The following FGGY variants were observed in gnomAD, a reference collection of about 807,000 sequenced individuals.
FGGY encodes the protein FGGY carbohydrate kinase domain containing, also known as FGGY carbohydrate kinase domain-containing protein.
A neutral mutation model predicts 71.3 loss-of-function variants in FGGY; 72 were observed. That is an observed-to-expected ratio of 1.01 (90% CI 0.84 to 1.23). The LOEUF (loss-of-function observed/expected upper bound fraction) is 1.23, where lower values mean the gene tolerates loss of function less well. Ranked by LOEUF, FGGY falls within the 50% of genes most tolerant of loss-of-function variation. The pLI is 0.00. For missense variants in FGGY, 668 were observed against 682.3 expected (o/e 0.98, Z 0.23); for synonymous variants, 251 against 250.3 (o/e 1.00, Z -0.02).
intron 11 of FGGY, among the ~76,000 whole-genome samples, chr1:59,647,237 C>T (rs564289190): frequency 3.9e-5 from 6 of 152,070 alleles, no homozygotes; most frequent in Non-Finnish European, 5.9e-5. Context: ...CAAGTATGGG[C>T]CAGAAGAGTT....
chr1:59,672,452 C>T (rs1488054269), intron 13 of FGGY, among the ~76,000 whole-genome samples: 7 of 152,218 alleles, frequency 4.6e-5, no homozygotes, highest in Admixed American at 6.5e-5. Flanking sequence ...TCCCCATTTG[C>T]ATTTGGGAAC....
chr1:59,719,473 T>A (rs984987247), intron 14 of FGGY, among the ~76,000 whole-genome samples: 1 of 152,148 alleles, frequency 6.6e-6, no homozygotes, highest in Non-Finnish European at 1.5e-5. Context: ...GAGAATTCTG[T>A]GAAATGATAT....
intron 5 of FGGY, among the ~76,000 whole-genome samples, chr1:59,395,846 G>T (rs2061262878): frequency 1.3e-5 from 2 of 152,100 alleles, no homozygotes; most frequent in African/African-American, 4.8e-5. Flanking sequence ...CCAGAATTCA[G>T]GCTGTTTGCC....
In FGGY at chr1:59,367,668, T is replaced by C. The variant is rs2056812013; in HGVS notation, c.466-11081T>C. ...TGGTGTCACTGCAGTAGCTGCCTCA[T>C]TTCCCTCACGAGTTCCCTAGGTGTC... On this transcript the variant is annotated intron_variant, in intron 4 of 15. Transcript: ENST00000303721. 2.0e-5 allele frequency among the ~76,000 whole-genome samples: 3 copies of C among 152,230 alleles called. No homozygotes were observed. In the South Asian group the frequency reaches 6.2e-4, roughly 32 times the overall value.
intron 6 of FGGY, among the ~76,000 whole-genome samples, chr1:59,467,098 A>C (rs1417539701): frequency 6.6e-6 from 1 of 152,214 alleles, no homozygotes; most frequent in Non-Finnish European, 1.5e-5. Context: ...CTTGGAACCA[A>C]GTCGAATTTC....
intron 5 of FGGY, among the ~76,000 whole-genome samples, chr1:59,425,636 T>A (rs1282933231): frequency 6.6e-6 from 1 of 152,244 alleles, no homozygotes; most frequent in Admixed American, 6.5e-5. Context: ...AAGCTCTCAT[T>A]CATGGTCATG....
At chr1:59,442,130 G>T (rs2070070858) in intron 5 of FGGY, among the ~76,000 whole-genome samples, 1 of 152,150 alleles carries the variant, frequency 6.6e-6, no homozygotes, top group South Asian at 2.1e-4. Context: ...GTTGTGAAAG[G>T]TATGGACTCT....
At chr1:59,757,900 T>C (rs766874505) in intron 14 of FGGY, 31 bp from the exon 15 acceptor site, 1 of 1,574,286 alleles carries the variant, frequency 6.4e-7, no homozygotes, top group Non-Finnish European at 8.7e-7. Flanking sequence ...GCTTTCCAAC[T>C]CAGCTGTCTA....
intron 8 of FGGY, among the ~76,000 whole-genome samples, chr1:59,603,846 A>G (rs1413566346): frequency 6.6e-6 from 1 of 152,210 alleles, no homozygotes; most frequent in African/African-American, 2.4e-5. Flanking sequence ...GCTCTTCAAA[A>G]CAGATGAAAG....
At chr1:59,612,359 A>G (rs1282928179) in intron 9 of FGGY, among the ~76,000 whole-genome samples, 1 of 152,258 alleles carries the variant, frequency 6.6e-6, no homozygotes, top group Non-Finnish European at 1.5e-5. Flanking sequence ...CTTAAAGAAA[A>G]GAATTTTCAA....
At chr1:59,648,181 C>A (rs1436991796) in intron 11 of FGGY, among the ~76,000 whole-genome samples, 1 of 114,708 alleles carries the variant, frequency 8.7e-6, no homozygotes, top group Non-Finnish European at 1.7e-5. Flanking sequence ...CAAGTCTTTG[C>A]TATTGTGAAT....
At position 59,634,021 on chromosome 1, in the gene FGGY, C is replaced by T. The variant is rs117963322; in HGVS notation, c.1074-4207C>T. 1.5e-4 allele frequency among the ~76,000 whole-genome samples: 23 copies of T among 152,208 alleles called. No homozygotes were observed. The East Asian group carries it at 3.9e-3, about 26-fold the overall frequency. ...ATGTAAAATGCCCAAAATGATTCATCGGCATTAACAACAAAGAGGGTATTG... is the reference window on the plus strand; with the variant it reads ...ATGTAAAATGCCCAAAATGATTCATTGGCATTAACAACAAAGAGGGTATTG... On this transcript the variant is annotated intron_variant, in intron 10 of 15. Coordinates refer to ENST00000303721, the MANE Select transcript of FGGY (RefSeq NM_018291.5).
chr1:59,593,383 A>C (rs2153796446), intron 8 of FGGY, among the ~76,000 whole-genome samples: 1 of 152,348 alleles, frequency 6.6e-6, no homozygotes, highest in Non-Finnish European at 1.5e-5. Flanking sequence ...GATCTGACAC[A>C]TACCTGCCCT....
intron 7 of FGGY, among the ~76,000 whole-genome samples, chr1:59,536,946 A>G (rs1228059270): frequency 6.6e-6 from 1 of 152,104 alleles, no homozygotes. Flanking sequence ...CAAGACAGGG[A>G]TGCCCTCTCT....
intron 4 of FGGY, among the ~76,000 whole-genome samples, chr1:59,366,040 T>C (rs2056527147): frequency 1.3e-5 from 2 of 152,168 alleles, no homozygotes; most frequent in Non-Finnish European, 2.9e-5. Flanking sequence ...ATACGTACAG[T>C]GGTGTCACAC....
chr1:59,658,201 G>T (rs981114247), intron 11 of FGGY, among the ~76,000 whole-genome samples: 1 of 152,066 alleles, frequency 6.6e-6, no homozygotes, highest in African/African-American at 2.4e-5. Flanking sequence ...CATTCTCTGT[G>T]TTCCCTTAGG....
intron 5 of FGGY, among the ~76,000 whole-genome samples, chr1:59,422,988 G>A (rs976589056): frequency 5.9e-5 from 9 of 152,254 alleles, no homozygotes; most frequent in African/African-American, 2.2e-4. Flanking sequence ...GTAAACACGT[G>A]GCAGCAGGGG....
upstream of FGGY, among the ~76,000 whole-genome samples, chr1:59,296,418 C>T (rs1294566317): frequency 6.6e-6 from 1 of 152,222 alleles, no homozygotes; most frequent in Non-Finnish European, 1.5e-5. Flanking sequence ...ACACACACAC[C>T]CATCAGGGGC....
At chr1:59,485,365 G>A (rs996090025) in intron 6 of FGGY, among the ~76,000 whole-genome samples, 2 of 152,136 alleles carry the variant, frequency 1.3e-5, no homozygotes, top group African/African-American at 2.4e-5. Flanking sequence ...TTCCTGAGAC[G>A]TCTCCTTTAA....
Sources: allele counts gnomAD v4.1 joint callset (sites outside exome capture counted in the v4.1 genomes callset), GRCh38; gene constraint gnomAD v4.1.1; transcripts MANE v1.5; gene names NCBI Gene and HGNC (gene_info 2026-07-23, HGNC 2026-07-21).